Variants in ITGB3BP observed in about 807,000 individuals in gnomAD.
ITGB3BP encodes integrin subunit beta 3 binding protein, also known as centromere protein R.
Under a neutral mutation model 29.1 loss-of-function variants are expected in ITGB3BP, and 27 were observed. The observed-to-expected ratio is 0.93, with a 90% CI of 0.68 to 1.28. The LOEUF (loss-of-function observed/expected upper bound fraction) is 1.28, where lower values mean the gene tolerates loss of function less well. Among genes scored for constraint, ITGB3BP ranks in the 50% most tolerant of loss-of-function variants. ITGB3BP has a pLI of 0.00. For synonymous variants in ITGB3BP, 61 were observed against 61.4 expected (o/e 0.99, Z 0.03); for missense variants, 192 against 200.2 (o/e 0.96, Z 0.25).
intron 4 of ITGB3BP, chr1:63,457,948 A>T (rs78177708): frequency 6.6e-6 from 1 of 151,444 alleles, no homozygotes; most frequent in East Asian, 1.9e-4. Context: ...ACCCAGCAGC[A>T]TTTTTTTAAA....
At chr1:63,519,387 T>C (rs1646401157) in intron 1 of ITGB3BP, among the ~76,000 whole-genome samples, 1 of 152,082 alleles carries the variant, frequency 6.6e-6, no homozygotes, top group African/African-American at 2.4e-5. Flanking sequence ...AAGTAGTTTC[T>C]ACTGAATGCA....
At chr1:63,520,259 G>A (rs1646418828) in intron 1 of ITGB3BP, among the ~76,000 whole-genome samples, 1 of 152,096 alleles carries the variant, frequency 6.6e-6, no homozygotes, top group Admixed American at 6.5e-5. Context: ...TTATCAATGA[G>A]GACACTGAGT....
At chr1:63,468,440 G>A (rs1645136974) in intron 4 of ITGB3BP, among the ~76,000 whole-genome samples, 1 of 152,166 alleles carries the variant, frequency 6.6e-6, no homozygotes. Flanking sequence ...ATTAAAAGAA[G>A]TCTGCAGCTG....
rs763153407 is a variant in ITGB3BP at position 63,523,157 on chromosome 1, T to G, written c.-24A>C. Reference sequence around the variant, plus strand: ...ATTCTGAGATTCGGGAAAGCACCACTGCCGCTGAATAAAACGAACCCAGCA... The same window carrying G: ...ATTCTGAGATTCGGGAAAGCACCACGGCCGCTGAATAAAACGAACCCAGCA... On this transcript the variant is annotated 5_prime_UTR_variant, in exon 1 of 9. Transcript: ENST00000271002. 34 of 1,613,836 alleles carry G rather than the reference T, an allele frequency of 2.1e-5. No individual in the cohort carries two copies. The highest frequency in any genetic ancestry group is 2.9e-5 in the Non-Finnish European group (34 of 1,180,004).
At chr1:63,520,460 T>G (rs1646421771) in intron 1 of ITGB3BP, among the ~76,000 whole-genome samples, 1 of 152,174 alleles carries the variant, frequency 6.6e-6, no homozygotes, top group Non-Finnish European at 1.5e-5. Flanking sequence ...GGGAAGATGA[T>G]TAGCCTAATG....
At chr1:63,489,012 A>G (rs1645588833) in intron 3 of ITGB3BP, among the ~76,000 whole-genome samples, 1 of 152,094 alleles carries the variant, frequency 6.6e-6, no homozygotes, top group African/African-American at 2.4e-5. Flanking sequence ...ATTTCAGTAT[A>G]GGGATGTACA....
intron 1 of ITGB3BP, among the ~76,000 whole-genome samples, chr1:63,512,132 T>C (rs1227108556): frequency 2.6e-5 from 4 of 152,068 alleles, no homozygotes; most frequent in Non-Finnish European, 5.9e-5. Context: ...TAGGTTTAGA[T>C]TCACTGGGAT....
upstream of ITGB3BP, among the ~76,000 whole-genome samples, chr1:63,527,602 C>T (rs1170578382): frequency 5.3e-5 from 8 of 152,140 alleles, no homozygotes; most frequent in Non-Finnish European, 8.8e-5. Context: ...ATTTAAATAT[C>T]TACAGCTACG....
At chr1:63,524,823 A>G (rs1348112543), upstream of ITGB3BP, among the ~76,000 whole-genome samples, 1 of 152,138 alleles carries the variant, frequency 6.6e-6, no homozygotes, top group Non-Finnish European at 1.5e-5. Flanking sequence ...AAAATACCTG[A>G]CCGCTGTAAT....
At chr1:63,469,333 T>C (rs192382866) in intron 4 of ITGB3BP, among the ~76,000 whole-genome samples, 14 of 148,866 alleles carry the variant, frequency 9.4e-5, no homozygotes, top group Non-Finnish European at 1.9e-4. Flanking sequence ...ATTATTATTT[T>C]TTTTTTTTTT....
In ITGB3BP at chr1:63,441,025, A is replaced by C. The variant is rs2100454416; in HGVS notation, c.*80T>G. 1 of 152,786 alleles carries C rather than the reference A, an allele frequency of 6.5e-6. No individual in the cohort carries two copies. The highest frequency in any genetic ancestry group is 2.1e-4 in the South Asian group (1 of 4,828). 9.5% of individuals were successfully genotyped at this position (152,786 alleles called of 1,614,324 possible). A position where few individuals can be genotyped will look rare whatever the true frequency, so the allele number is the denominator to read the frequency against. On this transcript the variant is annotated 3_prime_UTR_variant, in exon 9 of 9. Transcript: ENST00000271002. ...GTATTTACTGGGCAGATTAATTACAAATATTTCTCTGTTCCTTTAAATATG... is the reference window on the plus strand; with the variant it reads ...GTATTTACTGGGCAGATTAATTACACATATTTCTCTGTTCCTTTAAATATG...
intron 3 of ITGB3BP, among the ~76,000 whole-genome samples, chr1:63,487,197 A>G (rs1452108536): frequency 6.6e-6 from 1 of 151,936 alleles, no homozygotes; most frequent in Non-Finnish European, 1.5e-5. Flanking sequence ...TTTACAGTCT[A>G]TAAAGTTTGT....
chr1:63,508,266 T>C (rs1230666396), intron 2 of ITGB3BP, among the ~76,000 whole-genome samples: 1 of 152,166 alleles, frequency 6.6e-6, no homozygotes, highest in African/African-American at 2.4e-5. Context: ...AATTAATTTC[T>C]ACTAAATTAT....
chr1:63,470,745 TG>T (rs1645182054), intron 4 of ITGB3BP, among the ~76,000 whole-genome samples: 1 of 152,118 alleles, frequency 6.6e-6, no homozygotes, highest in South Asian at 2.1e-4. Flanking sequence ...GGTAAATATA[TG>T]TATACACTTC....
intron 4 of ITGB3BP, among the ~76,000 whole-genome samples, chr1:63,476,309 G>A (rs1440553539): frequency 2.6e-5 from 4 of 151,820 alleles, no homozygotes; most frequent in African/African-American, 4.8e-5. Flanking sequence ...GACCACAGGC[G>A]CCTGCCACCA....
In ITGB3BP at chr1:63,471,259, A is replaced by G. The variant is rs974262606; in HGVS notation, c.254+7505T>C. On this transcript the variant is annotated intron_variant, in intron 4 of 8. Coordinates refer to ENST00000271002, the MANE Select transcript of ITGB3BP (RefSeq NM_014288.5). ...GCCTAATCCAAGGTCCAGTCCTCTA[A>G]AAGTTTTTTTTTTTTTTTTTTGAGA... Among the ~76,000 whole-genome samples, 9 of 146,248 alleles carry G rather than the reference A, an allele frequency of 6.2e-5. No individual in the cohort carries two copies. The East Asian group carries it at 1.5e-3, about 24-fold the overall frequency.
chr1:63,454,566 T>G lies in ITGB3BP; in HGVS notation c.334-93A>C, dbSNP rs1644905689. On this transcript the variant is annotated intron_variant, in intron 5 of 8. Transcript: ENST00000271002. This position sits in a 1 kb window ranked among gnomAD's most constrained non-coding sequence, Gnocchi z 4.1. ...AAATACAGTATATTGTTTCCTTCAT[T>G]TGAAAAACTTAAACTTTATGTTAGG... 1.7e-6 allele frequency: 1 copy of G among 596,030 alleles called. No individual in the cohort carries two copies. The highest frequency in any genetic ancestry group is 1.9e-5 in the African/African-American group (1 of 51,806). 36.9% of individuals were successfully genotyped at this position (596,030 alleles called of 1,614,324 possible).
intron 3 of ITGB3BP, among the ~76,000 whole-genome samples, chr1:63,488,799 A>G (rs1645583753): frequency 6.6e-6 from 1 of 152,080 alleles, no homozygotes; most frequent in Non-Finnish European, 1.5e-5. Flanking sequence ...AAAAAACAGA[A>G]CATTGCCAGC....
chr1:63,473,531 G>GC (rs1645254997), intron 4 of ITGB3BP, among the ~76,000 whole-genome samples: 2 of 138,422 alleles, frequency 1.4e-5, no homozygotes, highest in East Asian at 2.3e-4. Flanking sequence ...TGGGGGGTCA[G>GC]CCCCCCGCCC....
Sources: allele counts gnomAD v4.1 joint callset (sites outside exome capture counted in the v4.1 genomes callset), GRCh38; gene constraint gnomAD v4.1.1; non-coding constraint Gnocchi (gnomAD v3.1); transcripts MANE v1.5; gene names NCBI Gene and HGNC (gene_info 2026-07-23, HGNC 2026-07-21).